ZNF75D: variants seen among roughly 807,000 people sequenced by gnomAD.
ZNF75D encodes zinc finger protein 75D, also known as zinc finger protein 75.
In ZNF75D, 33 loss-of-function variants were observed where a neutral mutation model predicts 33.3. The observed-to-expected ratio is 0.99, with a 90% CI of 0.75 to 1.32. The LOEUF (loss-of-function observed/expected upper bound fraction) is 1.32. Among genes scored for constraint, ZNF75D ranks in the 40% most tolerant of loss-of-function variants. The pLI, the probability that ZNF75D is intolerant of heterozygous loss-of-function variation, is 0.00. For missense variants in ZNF75D, 338 were observed against 367.5 expected, an observed-to-expected ratio of 0.92 and a Z score of 0.66; for synonymous variants, 113 against 130.6, an observed-to-expected ratio of 0.87 and a Z score of 0.92.
At chrX:135,257,506 A>G (rs1410654687) in intron 1 of ZNF75D, among the ~76,000 whole-genome samples, 1 of 113,335 alleles carries the variant, frequency 8.8e-6, no homozygotes, top group Non-Finnish European at 1.9e-5. Flanking sequence ...GTCGAACAAA[A>G]CAAAAGGTAA....
chrX:135,291,138 AAAG>A lies in ZNF75D; in HGVS notation c.697-6_697-4del. On this transcript the variant is annotated splice_polypyrimidine_tract_variant and splice_region_variant and intron_variant, in intron 5 of 6. Coordinates refer to ENST00000370766, the MANE Select transcript of ZNF75D (RefSeq NM_007131.5). ...ACATCTTCAAATGTCAACAAACTCTAAAGAAGAGAATGGGCTATAGTTTAGTAC... is the reference window on the plus strand; with the variant it reads ...ACATCTTCAAATGTCAACAAACTCTAAAGAGAATGGGCTATAGTTTAGTAC... 2.5e-6 allele frequency: 3 copies of A among 1,211,145 alleles called. No individual in the cohort carries two copies. In the East Asian group the frequency reaches 8.9e-5, roughly 36 times the overall value.
At chrX:135,299,020 T>G (rs1556423856) in intron 1 of ZNF75D, among the ~76,000 whole-genome samples, 1 of 112,657 alleles carries the variant, frequency 8.9e-6, no homozygotes, top group Non-Finnish European at 1.9e-5. Flanking sequence ...GACATTTTGT[T>G]TATCCATTCA....
chrX:135,292,345 G>C lies in ZNF75D; in HGVS notation c.540C>G (p.Tyr180Ter). ...AGCCCAGCTGTTCTTGTAGTACCCG[G>C]TATGTATTCCAATATTCTTTCTGGA... The part of the protein sequence containing the change: ...GVFQKEYWNT[Y>*]RVLQEQLGWN... The change falls in exon 4 of 7, where the codon TAC becomes TAG. Residue 180 changes from tyrosine (Y) to a stop codon, truncating the protein, a stop_gained. Coordinates refer to ENST00000370766, the MANE Select transcript of ZNF75D (RefSeq NM_007131.5). LOFTEE classifies it high-confidence loss of function. 8.3e-7 allele frequency: 1 copy of C among 1,211,458 alleles called. No homozygotes were observed. The highest frequency in any genetic ancestry group is 1.8e-5 in the South Asian group (1 of 56,972).
At chrX:135,322,737 A>G (rs1333314288) in intron 1 of ZNF75D, among the ~76,000 whole-genome samples, 2 of 112,457 alleles carry the variant, frequency 1.8e-5, no homozygotes, top group Non-Finnish European at 3.8e-5. Flanking sequence ...ACTTAATTTT[A>G]ACTTTTTACT....
chrX:135,269,334 T>G (rs1486757691), intron 1 of ZNF75D, among the ~76,000 whole-genome samples: 5 of 111,652 alleles, frequency 4.5e-5, no homozygotes, highest in African/African-American at 1.6e-4. Context: ...TAGGACAAAA[T>G]TTTTGCAAAG....
rs782387535 is a variant in ZNF75D at position 135,287,700 on chromosome X, G to GTA, written c.969_970insTA (p.His324TyrfsTer91). 8 of 1,210,511 alleles carry GTA rather than the reference G, an allele frequency of 6.6e-6. No individual in the cohort carries two copies. Among genetic ancestry groups the GTA allele is most frequent in the Non-Finnish European group, 4.5e-6 (4 of 895,272 alleles). On this transcript the variant is annotated frameshift_variant, in exon 7 of 7. Transcript: ENST00000370766. LOFTEE classifies it high-confidence loss of function. ...GCTCGATGCCATTTCTGTACACTGT[G>GTA]TGTATCACCAGGATTTTCCCTGCCC...
intron 1 of ZNF75D, chrX:135,330,789 A>G (rs1360873103): frequency 8.9e-6 from 1 of 112,676 alleles, no homozygotes; most frequent in Non-Finnish European, 1.9e-5. Context: ...TTTTATGCTG[A>G]TATGGCTTTC....
intron 1 of ZNF75D, among the ~76,000 whole-genome samples, chrX:135,312,060 C>T (rs1251481180): frequency 9.0e-6 from 1 of 111,313 alleles, no homozygotes; most frequent in African/African-American, 3.3e-5. Flanking sequence ...TAACTATAGT[C>T]GCCTTACTTT....
At chrX:135,290,807 A>C (rs781914356) in intron 6 of ZNF75D, among the ~76,000 whole-genome samples, 6 of 112,439 alleles carry the variant, frequency 5.3e-5, no homozygotes, top group Non-Finnish European at 9.4e-5. Flanking sequence ...AAATAATTCC[A>C]TTTAGAATGC....
At chrX:135,310,726 C>A (rs1032881268) in intron 1 of ZNF75D, among the ~76,000 whole-genome samples, 14 of 111,391 alleles carry the variant, frequency 1.3e-4, no homozygotes, top group African/African-American at 4.6e-4. Flanking sequence ...GTTATTCTCT[C>A]TACCCTTAGC....
chrX:135,311,721 C>G (rs1569492840), intron 1 of ZNF75D, among the ~76,000 whole-genome samples: 1 of 111,904 alleles, frequency 8.9e-6, no homozygotes, highest in Non-Finnish European at 1.9e-5. Context: ...GCCCTGGCAG[C>G]CACCATTATC....
chrX:135,288,211 T>C (rs1252515972), intron 6 of ZNF75D, among the ~76,000 whole-genome samples: 2 of 112,276 alleles, frequency 1.8e-5, no homozygotes, highest in Non-Finnish European at 3.8e-5. Context: ...TTCCTGAATG[T>C]AAAAAGAAGT....
chrX:135,327,094 CAG>C (rs1281324381), intron 1 of ZNF75D, among the ~76,000 whole-genome samples: 1 of 112,532 alleles, frequency 8.9e-6, no homozygotes, highest in Non-Finnish European at 1.9e-5. Context: ...CAAAATCCCA[CAG>C]AGCTTGGATT....
intron 1 of ZNF75D, among the ~76,000 whole-genome samples, chrX:135,263,522 G>A (rs1438480270): frequency 8.9e-6 from 1 of 112,838 alleles, no homozygotes; most frequent in African/African-American, 3.2e-5. Context: ...CCTCAGCAAT[G>A]GCGGACGCCC....
intron 1 of ZNF75D, among the ~76,000 whole-genome samples, chrX:135,332,591 T>C (rs2084664041): frequency 8.9e-6 from 1 of 111,988 alleles, no homozygotes; most frequent in Non-Finnish European, 1.9e-5. Flanking sequence ...CAATAGACTT[T>C]CTTTTTATTA....
chrX:135,289,226 C>T (rs1439733260), intron 6 of ZNF75D, among the ~76,000 whole-genome samples: 2 of 112,779 alleles, frequency 1.8e-5, no homozygotes, highest in African/African-American at 6.5e-5. Context: ...CAGAGGCAGC[C>T]CATGCTGCCC....
intron 1 of ZNF75D, among the ~76,000 whole-genome samples, chrX:135,314,556 G>A (rs1556430409): frequency 9.0e-6 from 1 of 111,510 alleles, no homozygotes; most frequent in Non-Finnish European, 1.9e-5. Context: ...AGAAGGATTG[G>A]TATTGCTTCT....
At chrX:135,296,299 T>C (rs781852386) in intron 1 of ZNF75D, among the ~76,000 whole-genome samples, 7 of 111,765 alleles carry the variant, frequency 6.3e-5, no homozygotes, top group East Asian at 2.8e-4. Context: ...CTGGGAGCCA[T>C]GTAGCTTACA....
chrX:135,264,224 G>A (rs1187953845), intron 1 of ZNF75D, among the ~76,000 whole-genome samples: 8 of 111,490 alleles, frequency 7.2e-5, no homozygotes, highest in Non-Finnish European at 1.1e-4. Flanking sequence ...GCAAAGGAGG[G>A]AGTGCCACAC....
Sources: gnomAD v4.1 joint callset for allele counts (sites outside exome capture counted in the v4.1 genomes callset) on GRCh38, gnomAD v4.1.1 for gene constraint, MANE v1.5 for transcripts, NCBI Gene and HGNC (gene_info 2026-07-23, HGNC 2026-07-21) for gene names.